BCAS3: variants seen among roughly 807,000 people sequenced by gnomAD.
BCAS3 encodes the protein BCAS4/BCAS3 fusion.
A neutral mutation model predicts 116.1 loss-of-function variants in BCAS3; 53 were observed. That is an observed-to-expected ratio of 0.46 (90% CI 0.37 to 0.57). The LOEUF (loss-of-function observed/expected upper bound fraction) is 0.57. BCAS3 is among the 20% of genes least tolerant of loss of function. BCAS3 has a pLI of 0.00. For missense variants in BCAS3, 917 were observed against 1,165.4 expected, an observed-to-expected ratio of 0.79 and a Z score of 3.10; for synonymous variants, 391 against 408.2, an observed-to-expected ratio of 0.96 and a Z score of 0.51.
intron 22 of BCAS3, among the ~76,000 whole-genome samples, chr17:61,154,349 T>G (rs924215926): frequency 2.0e-4 from 31 of 152,168 alleles, no homozygotes; most frequent in African/African-American, 7.2e-4. Context: ...CAGTCACCGT[T>G]TTTTGGAACA....
At chr17:61,176,209 T>C (rs1163736744) in intron 22 of BCAS3, among the ~76,000 whole-genome samples, 2 of 125,962 alleles carry the variant, frequency 1.6e-5, no homozygotes, top group Non-Finnish European at 3.4e-5. Context: ...GTAGAGAAAA[T>C]ATTTTCCTTT....
chr17:60,706,188 G>A (rs1370415258), intron 4 of BCAS3, among the ~76,000 whole-genome samples: 4 of 151,796 alleles, frequency 2.6e-5, no homozygotes, highest in Non-Finnish European at 5.9e-5. Flanking sequence ...TCAGCCTCCC[G>A]AGTAGCTGGG....
rs1262208074 is a variant in BCAS3, at chr17:61,214,078, T to C, written c.2425+129514T>C. 1.3e-5 allele frequency among the ~76,000 whole-genome samples: 2 copies of C among 152,054 alleles called. No homozygotes were observed. Among genetic ancestry groups the C allele is most frequent in the Non-Finnish European group, 2.9e-5 (2 of 68,014 alleles). Reference sequence around the variant, plus strand: ...CTGGTTTCAAAACTCGTTTGAGCTATAGGAATAGGCCATTCGTGGTGGCTC... The same window carrying C: ...CTGGTTTCAAAACTCGTTTGAGCTACAGGAATAGGCCATTCGTGGTGGCTC... On this transcript the variant is annotated intron_variant, in intron 22 of 23. Transcript: ENST00000407086. This position sits in a 1 kb window ranked among gnomAD's most constrained non-coding sequence, Gnocchi z 4.4.
chr17:60,853,804 ACT>A (rs2053399988), intron 7 of BCAS3, among the ~76,000 whole-genome samples: 1 of 152,212 alleles, frequency 6.6e-6, no homozygotes, highest in Non-Finnish European at 1.5e-5. Flanking sequence ...TCTATCACAT[ACT>A]TTTTTTTCAT....
intron 22 of BCAS3, among the ~76,000 whole-genome samples, chr17:61,100,365 G>A (rs1030355449): frequency 6.6e-5 from 10 of 152,144 alleles, no homozygotes; most frequent in Non-Finnish European, 1.5e-4. Flanking sequence ...AGTTTTTATA[G>A]CCATGAGAGG....
In BCAS3 at chr17:61,305,598, C is replaced by G. The variant is rs551501512; in HGVS notation, c.2426-62729C>G. 4.6e-5 allele frequency among the ~76,000 whole-genome samples: 7 copies of G among 152,222 alleles called. No individual in the cohort carries two copies. The East Asian group carries it at 1.4e-3, about 29-fold the overall frequency. ...GAGCCACTAGCTCATGGAAAGTGAC[C>G]AATAATGATGGCTGTGGCTGGGTGC... On this transcript the variant is annotated intron_variant, in intron 22 of 23. Coordinates refer to ENST00000407086, the MANE Select transcript of BCAS3 (RefSeq NM_017679.5).
intron 22 of BCAS3, among the ~76,000 whole-genome samples, chr17:61,112,868 A>G (rs1223777784): frequency 1.3e-5 from 2 of 151,732 alleles, no homozygotes; most frequent in East Asian, 1.9e-4. Flanking sequence ...GTAAAAGAAC[A>G]GAGATTATAG....
chr17:61,002,036 TAGGTTCTCAGTAAAATTGAGAGAA>T (rs2064276301), intron 15 of BCAS3, among the ~76,000 whole-genome samples: 1 of 152,092 alleles, frequency 6.6e-6, no homozygotes, highest in African/African-American at 2.4e-5. Context: ...AGAGAAGTTT[TAGGTTCTCAGTAAAATTGAGAGAA>T]AGGTATAGAT....
intron 22 of BCAS3, among the ~76,000 whole-genome samples, chr17:61,288,205 G>C (rs2052023543): frequency 6.6e-6 from 1 of 152,200 alleles, no homozygotes; most frequent in South Asian, 2.1e-4. Context: ...CATGGGCTGT[G>C]GGGAGGGAAA....
intron 22 of BCAS3, among the ~76,000 whole-genome samples, chr17:61,158,947 G>C (rs1014913513): frequency 2.6e-5 from 4 of 152,148 alleles, no homozygotes; most frequent in African/African-American, 9.7e-5. Context: ...ACATCAGCTT[G>C]CATATTTTCT....
In BCAS3 at chr17:60,931,572, C is replaced by T. The variant is rs570570850; in HGVS notation, c.1087+7072C>T. Among the ~76,000 whole-genome samples, 9 of 152,254 alleles carry T rather than the reference C, an allele frequency of 5.9e-5. No individual in the cohort carries two copies. In the East Asian group the frequency reaches 7.7e-4, roughly 13 times the overall value. ...GATTACAGGTGTGAGCTACCACACC[C>T]GGCCGGAATCTTCTTTTGCCTGGCT... is the stretch of plus-strand genomic sequence containing the variant. On this transcript the variant is annotated intron_variant, in intron 13 of 23. Coordinates refer to ENST00000407086, the MANE Select transcript of BCAS3 (RefSeq NM_017679.5).
rs2050730204 is a variant in BCAS3, at chr17:61,276,028, G to A, written c.2426-92299G>A. Among the ~76,000 whole-genome samples, 1 of 152,070 alleles carries A rather than the reference G, an allele frequency of 6.6e-6. No individual in the cohort carries two copies. On this transcript the variant is annotated intron_variant, in intron 22 of 23. Transcript: ENST00000407086. This position sits in a 1 kb window ranked among gnomAD's most constrained non-coding sequence, Gnocchi z 4.2. The stretch of plus-strand genomic sequence containing the variant: ...TATAAACGGCAACCTATTTTGCAAG[G>A]TTGTAGGATATACTATCAGTATATA...
rs1568007292 is a variant in BCAS3, at chr17:60,974,992, C to CTTTTTTT, written c.1222-14973_1222-14972insTTTTTTT. The stretch of plus-strand genomic sequence containing the variant: ...CCATTTGTTTTTTTTGTTTTTTTTG[C>CTTTTTTT]TTTTTTGTTTTTTTTTTTTTGAGAC... On this transcript the variant is annotated intron_variant, in intron 14 of 23. Coordinates refer to ENST00000407086, the MANE Select transcript of BCAS3 (RefSeq NM_017679.5). Among the ~76,000 whole-genome samples the CTTTTTTT allele has an allele frequency of 4.2e-5, 6 of 142,080 alleles. 1 individual carries two copies. Among genetic ancestry groups the CTTTTTTT allele is most frequent in the African/African-American group, 1.8e-4 (6 of 33,722 alleles). The allele number at this position is 142,080 out of a possible 152,430, so 93.2% of individuals were successfully genotyped here. A position where few individuals can be genotyped will look rare whatever the true frequency, so the allele number is the denominator to read the frequency against.
At chr17:60,878,821 A>T (rs943408316) in intron 9 of BCAS3, among the ~76,000 whole-genome samples, 3 of 152,204 alleles carry the variant, frequency 2.0e-5, no homozygotes, top group African/African-American at 7.2e-5. Context: ...GAATGAAGGA[A>T]TTTGGCCGAT....
At chr17:61,334,481 C>T (rs906354204) in intron 22 of BCAS3, among the ~76,000 whole-genome samples, 30 of 152,034 alleles carry the variant, frequency 2.0e-4, no homozygotes, top group African/African-American at 7.2e-4. Flanking sequence ...GCCTGACCAA[C>T]GTGGAGAAAC....
chr17:61,149,445 T>G (rs1163838100), intron 22 of BCAS3, among the ~76,000 whole-genome samples: 1 of 152,222 alleles, frequency 6.6e-6, no homozygotes. Context: ...AACCTTGCTT[T>G]TAATGTAAAA....
At chr17:60,969,555 C>T (rs1019541877) in intron 14 of BCAS3, among the ~76,000 whole-genome samples, 11 of 151,820 alleles carry the variant, frequency 7.2e-5, no homozygotes, top group African/African-American at 2.4e-4. Context: ...ACTTGTGGGA[C>T]AATATCAGAG....
intron 22 of BCAS3, among the ~76,000 whole-genome samples, chr17:61,110,019 C>T (rs1483675932): frequency 6.6e-6 from 1 of 152,168 alleles, no homozygotes; most frequent in Non-Finnish European, 1.5e-5. Context: ...TTTGCCTAAG[C>T]CAATGTCTAG....
intron 5 of BCAS3, among the ~76,000 whole-genome samples, chr17:60,741,990 C>G (rs1490273569): frequency 1.3e-5 from 2 of 151,940 alleles, no homozygotes; most frequent in East Asian, 3.8e-4. Flanking sequence ...GACAGATATC[C>G]TGCATTTTTT....
Sources: gnomAD v4.1 joint callset for allele counts (sites outside exome capture counted in the v4.1 genomes callset) on GRCh38, gnomAD v4.1.1 for gene constraint, Gnocchi (gnomAD v3.1) non-coding constraint, MANE v1.5 for transcripts, NCBI Gene and HGNC (gene_info 2026-07-23, HGNC 2026-07-21) for gene names.